Variants in RAB30 observed in about 807,000 individuals in gnomAD.
RAB30 encodes the protein RAB30, member RAS oncogene family, also known as ras-related protein Rab-30.
A neutral mutation model predicts 25.1 loss-of-function variants in RAB30; 9 were observed. The ratio of observed to expected loss-of-function variants is 0.36; its 90% CI spans 0.22 to 0.63. The LOEUF (loss-of-function observed/expected upper bound fraction) is 0.63, where lower values mean the gene tolerates loss of function less well. Ranked by LOEUF, RAB30 falls within the 20% of genes least tolerant of loss-of-function variation. RAB30 has a pLI of 0.69. For synonymous variants in RAB30, 77 were observed against 86.4 expected (o/e 0.89, Z 0.60); for missense variants, 140 against 243.5 (o/e 0.58, Z 2.83).
At chr11:83,040,592 CAAA>C (rs35973192) in intron 1 of RAB30, among the ~76,000 whole-genome samples, 13 of 121,104 alleles carry the variant, frequency 1.1e-4, no homozygotes, top group Admixed American at 1.7e-4. Flanking sequence ...AACTCTGTCT[CAAA>C]AAAAAAAAAA....
chr11:83,043,380 G>A (rs563804041), intron 1 of RAB30, among the ~76,000 whole-genome samples: 1 of 152,314 alleles, frequency 6.6e-6, no homozygotes, highest in East Asian at 1.9e-4. Flanking sequence ...ATCCACATTA[G>A]AAGAACCACC....
chr11:83,051,408 C>T (rs1250806271), intron 1 of RAB30, among the ~76,000 whole-genome samples: 3 of 152,118 alleles, frequency 2.0e-5, no homozygotes. Flanking sequence ...CATAAAATAC[C>T]TCAGTATCCT....
At chr11:83,038,138 A>C (rs1184784197) in intron 1 of RAB30, among the ~76,000 whole-genome samples, 1 of 152,146 alleles carries the variant, frequency 6.6e-6, no homozygotes, top group African/African-American at 2.4e-5. Context: ...ATCCTTCTAA[A>C]CTCTGGAATT....
At chr11:83,050,698 T>C (rs1397951248) in intron 1 of RAB30, among the ~76,000 whole-genome samples, 2 of 152,198 alleles carry the variant, frequency 1.3e-5, no homozygotes, top group African/African-American at 4.8e-5. Flanking sequence ...TTTTGACTGG[T>C]TGGAAACTAG....
chr11:83,025,574 T>G (rs372727150), intron 1 of RAB30, among the ~76,000 whole-genome samples: 5 of 152,212 alleles, frequency 3.3e-5, no homozygotes, highest in Admixed American at 2.0e-4. Flanking sequence ...AATTATCCAG[T>G]CTGAGAGTTA....
At chr11:83,032,714 T>C (rs1857896413) in intron 1 of RAB30, among the ~76,000 whole-genome samples, 1 of 152,170 alleles carries the variant, frequency 6.6e-6, no homozygotes, top group Non-Finnish European at 1.5e-5. Flanking sequence ...TTAATTATTT[T>C]TATGTAAGCA....
At chr11:83,008,054 T>C (rs1857223594) in intron 1 of RAB30, among the ~76,000 whole-genome samples, 1 of 152,206 alleles carries the variant, frequency 6.6e-6, no homozygotes, top group Non-Finnish European at 1.5e-5. Flanking sequence ...CCGTGTCTAA[T>C]CTTTCCTCTG....
chr11:83,043,252 C>A (rs1299132334), intron 1 of RAB30, among the ~76,000 whole-genome samples: 1 of 152,184 alleles, frequency 6.6e-6, no homozygotes, highest in Non-Finnish European at 1.5e-5. Context: ...CTGTTCTAGA[C>A]CCCTCTAGAG....
intron 1 of RAB30, among the ~76,000 whole-genome samples, chr11:83,060,787 A>C (rs901162337): frequency 6.6e-5 from 10 of 152,188 alleles, no homozygotes; most frequent in African/African-American, 2.2e-4. Flanking sequence ...GTGTGTCTGC[A>C]AGACTGTTTC....
intron 1 of RAB30, among the ~76,000 whole-genome samples, chr11:83,065,369 A>C (rs1858672436): frequency 6.6e-6 from 1 of 152,114 alleles, no homozygotes; most frequent in South Asian, 2.1e-4. Flanking sequence ...TAGCCTAGGC[A>C]ACAGAGTGAG....
At chr11:83,043,504 T>G (rs568805313) in intron 1 of RAB30, among the ~76,000 whole-genome samples, 2 of 152,332 alleles carry the variant, frequency 1.3e-5, no homozygotes, top group Non-Finnish European at 2.9e-5. Context: ...AAATGTGGAC[T>G]CTATTAGATG....
chr11:83,071,868 C>G lies in RAB30; in HGVS notation c.-186G>C, dbSNP rs1858856550. 1 of 379,062 alleles carries G rather than the reference C, an allele frequency of 2.6e-6. No homozygotes were observed. The highest frequency in any genetic ancestry group is 2.1e-5 in the African/African-American group (1 of 48,308). 23.5% of individuals were successfully genotyped at this position (379,062 alleles called of 1,614,324 possible). On this transcript the variant is annotated 5_prime_UTR_variant, in exon 1 of 5. Transcript: ENST00000527633. Reference sequence around the variant, plus strand: ...CGAGCGGCAATCGCAAGCCCAGCAGCAGCAGGGGGTGGAGAGACCGTAGCA... The same window carrying G: ...CGAGCGGCAATCGCAAGCCCAGCAGGAGCAGGGGGTGGAGAGACCGTAGCA...
intron 4 of RAB30, among the ~76,000 whole-genome samples, chr11:82,984,478 A>G (rs1856701265): frequency 6.6e-6 from 1 of 152,176 alleles, no homozygotes; most frequent in African/African-American, 2.4e-5. Context: ...CTTCCACTGA[A>G]GAGGGTTGCC....
intron 1 of RAB30, among the ~76,000 whole-genome samples, chr11:83,061,718 T>C (rs1274603884): frequency 2.1e-5 from 3 of 144,112 alleles, no homozygotes; most frequent in African/African-American, 7.7e-5. Flanking sequence ...TTCTTTTTTT[T>C]TTTTTTTTTT....
intron 1 of RAB30, among the ~76,000 whole-genome samples, chr11:83,008,688 G>GCACA (rs2121487873): frequency 6.6e-6 from 1 of 152,110 alleles, no homozygotes; most frequent in Non-Finnish European, 1.5e-5. Context: ...GCACACACAT[G>GCACA]CACACACACT....
intron 4 of RAB30, among the ~76,000 whole-genome samples, chr11:82,984,348 A>C (rs994724363): frequency 2.6e-5 from 4 of 152,204 alleles, no homozygotes; most frequent in Non-Finnish European, 5.9e-5. Context: ...TGAGGCTGCT[A>C]GGCCAAGGCA....
intron 3 of RAB30, chr11:82,992,185 G>C: frequency 2.6e-6 from 1 of 382,898 alleles, no homozygotes; most frequent in South Asian, 2.0e-5. Context: ...AGCTACAAAA[G>C]GCTCCTCCCA....
chr11:83,036,378 AG>A (rs1389154370), intron 1 of RAB30, among the ~76,000 whole-genome samples: 1 of 151,998 alleles, frequency 6.6e-6, no homozygotes, highest in Non-Finnish European at 1.5e-5. Flanking sequence ...TGTTGGCCAG[AG>A]CTGGTCTCGA....
intron 4 of RAB30, among the ~76,000 whole-genome samples, chr11:82,985,800 C>G (rs1856729568): frequency 6.7e-6 from 1 of 149,462 alleles, no homozygotes; most frequent in Non-Finnish European, 1.5e-5. Context: ...CAGCCTTCAA[C>G]TTCTGGGCTC....
Sources: allele counts gnomAD v4.1 joint callset (sites outside exome capture counted in the v4.1 genomes callset), GRCh38; gene constraint gnomAD v4.1.1; transcripts MANE v1.5; gene names NCBI Gene and HGNC (gene_info 2026-07-23, HGNC 2026-07-21).